Variants in CPNE4 observed in about 807,000 individuals in gnomAD.
CPNE4 encodes the protein copine-4.
A neutral mutation model predicts 67.9 loss-of-function variants in CPNE4; 25 were observed. The observed-to-expected ratio is 0.37, with a 90% CI of 0.27 to 0.51. CPNE4 has a LOEUF of 0.51. Ranked by LOEUF, CPNE4 falls within the 20% of genes least tolerant of loss-of-function variation. The probability of loss-of-function intolerance (pLI) is 0.93; values close to 1 mark genes in which losing one functional copy is unlikely to be tolerated. For missense variants in CPNE4, 464 were observed against 690.8 expected (o/e 0.67, Z 3.68); for synonymous variants, 242 against 244.9 (o/e 0.99, Z 0.11).
chr3:131,963,833 C>A (rs769722813), intron 1 of CPNE4, among the ~76,000 whole-genome samples: 14 of 152,218 alleles, frequency 9.2e-5, no homozygotes, highest in Non-Finnish European at 1.6e-4. Context: ...TTCCTGCCTG[C>A]TGGCTCTGAA....
intron 7 of CPNE4, among the ~76,000 whole-genome samples, chr3:131,603,445 A>AT (rs1939321456): frequency 6.6e-6 from 1 of 152,186 alleles, no homozygotes; most frequent in Non-Finnish European, 1.5e-5. Flanking sequence ...AATGTGATGG[A>AT]TTTTTTATGC....
chr3:131,845,446 G>A (rs2085959253), intron 2 of CPNE4, among the ~76,000 whole-genome samples: 1 of 152,218 alleles, frequency 6.6e-6, no homozygotes, highest in Admixed American at 6.5e-5. Flanking sequence ...TTACTATGCA[G>A]TTCTGCCTTC....
chr3:132,005,576 A>G (rs1157173031), intron 1 of CPNE4, among the ~76,000 whole-genome samples: 2 of 151,780 alleles, frequency 1.3e-5, no homozygotes, highest in African/African-American at 4.8e-5. Context: ...TCAAGTGTTT[A>G]CTAAGGACCT....
At chr3:131,979,201 A>G (rs931923154) in intron 1 of CPNE4, among the ~76,000 whole-genome samples, 10 of 152,122 alleles carry the variant, frequency 6.6e-5, no homozygotes, top group Non-Finnish European at 1.3e-4. Context: ...ATGTCTATCT[A>G]TAAGTCCATT....
At chr3:131,606,658 C>T (rs981636390) in intron 7 of CPNE4, among the ~76,000 whole-genome samples, 2 of 152,108 alleles carry the variant, frequency 1.3e-5, no homozygotes, top group Non-Finnish European at 2.9e-5. Context: ...TAGGGCCTTG[C>T]CAATCCTTGG....
chr3:131,594,616 TAA>T (rs1209523675), intron 7 of CPNE4, among the ~76,000 whole-genome samples: 1 of 152,174 alleles, frequency 6.6e-6, no homozygotes, highest in Non-Finnish European at 1.5e-5. Context: ...TGCATAAGGA[TAA>T]AGTCTTGACA....
intron 7 of CPNE4, among the ~76,000 whole-genome samples, chr3:131,593,718 G>GT (rs1437167294): frequency 1.3e-5 from 2 of 151,910 alleles, no homozygotes; most frequent in Admixed American, 6.6e-5. Context: ...TTGTTTGTTT[G>GT]TTTGTTTTGT....
chr3:131,621,284 A>G (rs1417474083), intron 7 of CPNE4, among the ~76,000 whole-genome samples: 2 of 152,094 alleles, frequency 1.3e-5, no homozygotes, highest in Non-Finnish European at 2.9e-5. Flanking sequence ...TCTTACTGTC[A>G]TCCAGGCTGG....
At chr3:131,563,490 T>C (rs1936894861) in intron 11 of CPNE4, among the ~76,000 whole-genome samples, 1 of 152,076 alleles carries the variant, frequency 6.6e-6, no homozygotes, top group Admixed American at 6.6e-5. Context: ...ATTTTCTTGG[T>C]AGGAAAGGCC....
In CPNE4 at chr3:131,745,206, G is replaced by A. The variant is rs550372804; in HGVS notation, c.181-21581C>T. ...CTAATGATGTCAAACACCTTTTCAT[G>A]TACTTACTTGCTGTCTTATGTCCTC... On this transcript the variant is annotated intron_variant, in intron 2 of 15. Coordinates refer to ENST00000429747, the MANE Select transcript of CPNE4 (RefSeq NM_130808.3). Among the ~76,000 whole-genome samples the A allele has an allele frequency of 1.1e-4, 16 of 152,096 alleles. No individual in the cohort carries two copies. In the South Asian group the frequency reaches 2.9e-3, roughly 28 times the overall value.
chr3:131,890,382 A>G (rs1196322972), intron 2 of CPNE4, among the ~76,000 whole-genome samples: 2 of 151,786 alleles, frequency 1.3e-5, no homozygotes, highest in African/African-American at 2.4e-5. Context: ...TAAAATCACA[A>G]TGAGATATCA....
chr3:131,626,814 T>G (rs1303762418), intron 7 of CPNE4, among the ~76,000 whole-genome samples: 1 of 152,150 alleles, frequency 6.6e-6, no homozygotes, highest in Non-Finnish European at 1.5e-5. Flanking sequence ...CGGCTTCAGA[T>G]CTTTGAAAGA....
intron 1 of CPNE4, among the ~76,000 whole-genome samples, chr3:131,978,050 T>C (rs1407346042): frequency 2.4e-5 from 1 of 41,220 alleles, no homozygotes; most frequent in Non-Finnish European, 3.8e-5. Flanking sequence ...CCATCATAGA[T>C]ATATATAAAT....
chr3:131,563,068 C>T (rs1041493383), intron 11 of CPNE4, among the ~76,000 whole-genome samples: 1 of 152,006 alleles, frequency 6.6e-6, no homozygotes, highest in African/African-American at 2.4e-5. Context: ...CTGCACCTTT[C>T]CCATTGCCCT....
At chr3:131,937,702 TG>T (rs2071265804) in intron 1 of CPNE4, among the ~76,000 whole-genome samples, 1 of 151,416 alleles carries the variant, frequency 6.6e-6, no homozygotes, top group Admixed American at 6.6e-5. Context: ...AGAAATTAGA[TG>T]GGGAAAGGGG....
chr3:131,901,126 T>C (rs904107100), intron 2 of CPNE4, among the ~76,000 whole-genome samples: 2 of 152,112 alleles, frequency 1.3e-5, no homozygotes, highest in Non-Finnish European at 2.9e-5. Context: ...TGCCCAGGAA[T>C]AGAGCATATG....
chr3:131,702,821 A>C (rs1478277489), intron 3 of CPNE4, among the ~76,000 whole-genome samples: 1 of 152,236 alleles, frequency 6.6e-6, no homozygotes, highest in African/African-American at 2.4e-5. Flanking sequence ...GGAATGAAGA[A>C]AATGCTACTG....
chr3:131,931,654 C>T (rs2107832097), intron 1 of CPNE4, among the ~76,000 whole-genome samples: 1 of 152,116 alleles, frequency 6.6e-6, no homozygotes, highest in African/African-American at 2.4e-5. Context: ...CCATTTCATC[C>T]CTGTCTTTGT....
chr3:131,932,557 AAG>A (rs1011601049), intron 1 of CPNE4, among the ~76,000 whole-genome samples: 2 of 152,096 alleles, frequency 1.3e-5, no homozygotes, highest in African/African-American at 4.8e-5. Context: ...GAAATATTAT[AAG>A]AGAGATACCC....
Sources: allele counts gnomAD v4.1 joint callset (sites outside exome capture counted in the v4.1 genomes callset), GRCh38; gene constraint gnomAD v4.1.1; transcripts MANE v1.5; gene names NCBI Gene and HGNC (gene_info 2026-07-23, HGNC 2026-07-21).